RPP30: variants seen among roughly 807,000 people sequenced by gnomAD.
RPP30 encodes the protein ribonuclease P protein subunit p30.
A neutral mutation model predicts 38.6 loss-of-function variants in RPP30; 36 were observed. That is an observed-to-expected ratio of 0.93 (90% CI 0.71 to 1.23). The LOEUF is 1.23. Ranked by LOEUF, RPP30 falls within the 50% of genes most tolerant of loss-of-function variation. The pLI, the probability that RPP30 is intolerant of heterozygous loss-of-function variation, is 0.00. For missense variants in RPP30, 321 were observed against 321.7 expected, an observed-to-expected ratio of 1.00 and a Z score of 0.02; for synonymous variants, 126 against 112.7, an observed-to-expected ratio of 1.12 and a Z score of -0.75.
intron 4 of RPP30, among the ~76,000 whole-genome samples, chr10:90,878,240 TAG>T (rs1266172193): frequency 2.0e-5 from 3 of 152,198 alleles, no homozygotes; most frequent in Non-Finnish European, 4.4e-5. Flanking sequence ...CAAGTCTGCC[TAG>T]CAGGCCCTCT....
Position 90,896,342 on chromosome 10 carries a change from A to G in RPP30, c.647A>G (p.Asp216Gly). The G allele has an allele frequency of 6.2e-7, 1 of 1,614,134 alleles. No homozygotes were observed. The highest frequency in any genetic ancestry group is 8.5e-7 in the Non-Finnish European group (1 of 1,179,964). The change falls in exon 10 of 11, where the codon GAC (aspartate) becomes GGC (glycine). Residue 216 changes from aspartate to glycine, a missense_variant. Transcript: ENST00000371703. ...TTGCTGTTTGGGCTCTCTGAAAGTG[A>G]CGCCAAGGCTGCGGTGTCCACCAAC... ...LGLLFGLSES[D>G]AKAAVSTNCR...
rs1174538228 is a variant in RPP30, at chr10:90,901,730, A to G, written c.*1051A>G. ...TATGCAATATTAATGTAAGGGCTCT[A>G]AAACAATGGAGTAGAGCCAGAGGTA... is the stretch of plus-strand genomic sequence containing the variant. On this transcript the variant is annotated 3_prime_UTR_variant, in exon 11 of 11. Transcript: ENST00000371703. 3.0e-6 allele frequency: 3 copies of G among 984,606 alleles called. No individual in the cohort carries two copies. Among genetic ancestry groups the G allele is most frequent in the Non-Finnish European group, 3.6e-6 (3 of 829,276 alleles). 61.0% of individuals were successfully genotyped at this position (984,606 alleles called of 1,614,324 possible). A position where few individuals can be genotyped will look rare whatever the true frequency, so the allele number is the denominator to read the frequency against.
At chr10:90,885,416 A>G (rs76612768) in intron 5 of RPP30, among the ~76,000 whole-genome samples, 5,008 of 152,328 alleles carry the variant, frequency 0.033, 98 homozygotes, top group Middle Eastern at 0.099. Context: ...TAAATGGACT[A>G]TGCATACATT....
At chr10:90,875,705 C>G (rs1846842636) in intron 3 of RPP30, 91 bp downstream of exon 3, 5 of 1,095,532 alleles carry the variant, frequency 4.6e-6, no homozygotes, top group South Asian at 1.3e-5. Flanking sequence ...TGAGCTGCAC[C>G]TTACTCTGAG....
chr10:90,874,898 A>G lies in RPP30; in HGVS notation c.112A>G (p.Ile38Val), dbSNP rs769136757. Residue 38 changes from isoleucine (I) to valine (V), a missense_variant, in exon 2 of 11, where the codon ATC (isoleucine) becomes GTC (valine). Transcript: ENST00000371703. ...CTATTCAGTTGTTGCTATCAATCAT[A>G]TCGTTGACTTTAAGGAAAAGAAACA... ...LGYSVVAINH[I>V]VDFKEKKQEI... 6 of 1,596,598 alleles carry G rather than the reference A, an allele frequency of 3.8e-6. No individual in the cohort carries two copies. The Admixed American group carries it at 1.0e-4, about 27-fold the overall frequency.
At chr10:90,890,480 C>G (rs548527700) in intron 6 of RPP30, among the ~76,000 whole-genome samples, 2 of 152,082 alleles carry the variant, frequency 1.3e-5, no homozygotes, top group Non-Finnish European at 2.9e-5. Flanking sequence ...TTTCTGTCTT[C>G]GTGGTCCGAT....
In RPP30 at chr10:90,889,339, C is replaced by G. The variant is rs547605677; in HGVS notation, c.432+3438C>G. On this transcript the variant is annotated intron_variant, in intron 6 of 10. Transcript: ENST00000371703. Reference sequence around the variant, plus strand: ...TTTTTTTTTTTTTGAGACAGAGTCTCGCTCTGTCCACCCACGCTGGAGTGC... The same window carrying G: ...TTTTTTTTTTTTTGAGACAGAGTCTGGCTCTGTCCACCCACGCTGGAGTGC... 3.6e-4 allele frequency among the ~76,000 whole-genome samples: 48 copies of G among 132,206 alleles called. No individual in the cohort carries two copies. The South Asian group carries it at 0.012, about 33-fold the overall frequency. The allele number at this position is 132,206 out of a possible 152,430, so 86.7% of individuals were successfully genotyped here. A position where few individuals can be genotyped will look rare whatever the true frequency, so the allele number is the denominator to read the frequency against.
chr10:90,879,211 C>CCT, intron 5 of RPP30, 77 bp downstream of exon 5: 1 of 1,113,766 alleles, frequency 9.0e-7, no homozygotes, highest in Non-Finnish European at 1.3e-6. Flanking sequence ...TTGTAGATGA[C>CCT]CTGTTTTGAC....
At chr10:90,885,922 G>T in intron 6 of RPP30, 21 bp downstream of exon 6, 1 of 1,438,490 alleles carries the variant, frequency 7.0e-7, no homozygotes, top group Non-Finnish European at 9.6e-7. Context: ...TTTCCATTCT[G>T]TATTTGAATC....
chr10:90,877,487 A>G (rs1846868023), intron 4 of RPP30, among the ~76,000 whole-genome samples: 1 of 152,084 alleles, frequency 6.6e-6, no homozygotes, highest in African/African-American at 2.4e-5. Flanking sequence ...AATGGTATGA[A>G]AGAGGATGAG....
At chr10:90,874,809 T>G in intron 1 of RPP30, 60 bp from the exon 2 acceptor site, 1 of 1,151,166 alleles carries the variant, frequency 8.7e-7, no homozygotes, top group Non-Finnish European at 1.3e-6. Flanking sequence ...AGGATGGACC[T>G]GTGTTACAGG....
chr10:90,888,974 G>A lies in RPP30; in HGVS notation c.432+3073G>A, dbSNP rs12252006. On this transcript the variant is annotated intron_variant, in intron 6 of 10. Coordinates refer to ENST00000371703, the MANE Select transcript of RPP30 (RefSeq NM_006413.5). ...TTTTTAGTCTTCATCTAGTAGAAGA[G>A]TAGGCTGCACTGTGAATTGGTCAGG... Among the ~76,000 whole-genome samples the A allele has an allele frequency of 5.1e-3, 778 of 152,276 alleles. 5 individuals are homozygous for A. Among genetic ancestry groups the A allele is most frequent in the African/African-American group, 0.018 (728 of 41,546 alleles).
At chr10:90,884,070 G>T (rs141709805) in intron 5 of RPP30, among the ~76,000 whole-genome samples, 8 of 152,112 alleles carry the variant, frequency 5.3e-5, no homozygotes, top group Admixed American at 5.2e-4. Flanking sequence ...TAATGAGTTG[G>T]CATATTCCAT....
intron 8 of RPP30, 52 bp from the exon 9 acceptor site, chr10:90,895,828 G>T: frequency 1.5e-6 from 2 of 1,304,448 alleles, no homozygotes; most frequent in Non-Finnish European, 2.2e-6. Flanking sequence ...ATAAGTCATT[G>T]AAATGTTATA....
At chr10:90,878,469 TAA>T (rs1321173675) in intron 4 of RPP30, among the ~76,000 whole-genome samples, 28 of 152,142 alleles carry the variant, frequency 1.8e-4, no homozygotes, top group Non-Finnish European at 8.8e-5. Flanking sequence ...AATTTAGGTT[TAA>T]GATGATATTT....
At chr10:90,908,372 T>C (rs1847275222) in exon 5 of RPP30, 1 of 152,172 alleles carries the variant, frequency 6.6e-6, no homozygotes. Context: ...ATACCTCCTT[T>C]TATTGTGCTT....
downstream of RPP30, chr10:90,903,242 A>G: frequency 6.2e-7 from 1 of 1,610,490 alleles, no homozygotes. Context: ...GAGAGATCAT[A>G]CTCCCAAGAA....
intron 5 of RPP30, among the ~76,000 whole-genome samples, chr10:90,883,816 T>C (rs1846963446): frequency 6.6e-6 from 1 of 152,208 alleles, no homozygotes; most frequent in Non-Finnish European, 1.5e-5. Flanking sequence ...ATTTAAACAG[T>C]ACAAAGGTAC....
intron 6 of RPP30, among the ~76,000 whole-genome samples, chr10:90,886,530 G>C (rs940080983): frequency 6.6e-6 from 1 of 151,920 alleles, no homozygotes; most frequent in African/African-American, 2.4e-5. Flanking sequence ...TCCTTCTTCT[G>C]TCTTAATTTC....
Sources: gnomAD v4.1 joint callset for allele counts (sites outside exome capture counted in the v4.1 genomes callset) on GRCh38, gnomAD v4.1.1 for gene constraint, MANE v1.5 for transcripts, NCBI Gene and HGNC (gene_info 2026-07-23, HGNC 2026-07-21) for gene names.